The following NSUN4 variants were observed in gnomAD, a reference collection of about 807,000 sequenced individuals.
NSUN4 encodes 5-cytosine rRNA methyltransferase NSUN4.
In NSUN4, 31 loss-of-function variants were observed where a neutral mutation model predicts 43.8. The ratio of observed to expected loss-of-function variants is 0.71; its 90% CI spans 0.53 to 0.96. NSUN4 has a LOEUF of 0.96. Ranked by LOEUF, NSUN4 falls within the 40% of genes least tolerant of loss-of-function variation. The pLI, the probability that NSUN4 is intolerant of heterozygous loss-of-function variation, is 0.00. For missense variants in NSUN4, 439 were observed against 475.6 expected (o/e 0.92, Z 0.72); for synonymous variants, 167 against 184.1 (o/e 0.91, Z 0.75).
downstream of NSUN4, among the ~76,000 whole-genome samples, chr1:46,369,861 G>A (rs757320436): frequency 1.3e-5 from 2 of 152,204 alleles, no homozygotes; most frequent in Non-Finnish European, 2.9e-5. Context: ...CATTGTCGGA[G>A]TTTTAAGGTG....
At position 46,352,912 on chromosome 1, in the gene NSUN4, C is replaced by G. The variant is rs534371705; in HGVS notation, c.637C>G (p.Leu213Val). The G allele has an allele frequency of 2.7e-5, 43 of 1,614,006 alleles. No homozygotes were observed. The highest frequency in any genetic ancestry group is 3.6e-5 in the Non-Finnish European group (43 of 1,180,008). ...NDLSPSRIAR[L>V]QKILHSYVPE... is the part of the protein sequence containing the mutation. ...TCTCTCCCCGTCCCGAATAGCCAGACTACAGAAGATCCTTCACAGCTATGT... is the reference window on the plus strand; with the variant it reads ...TCTCTCCCCGTCCCGAATAGCCAGAGTACAGAAGATCCTTCACAGCTATGT... Residue 213 changes from leucine (L) to valine (V), a missense_variant, in exon 4 of 6, where the codon CTA (leucine) becomes GTA (valine). Leu to Val is a conservative substitution (Grantham distance 32). Coordinates refer to ENST00000474844, the MANE Select transcript of NSUN4 (RefSeq NM_199044.4).
At chr1:46,343,429 A>C (rs1662264101) in intron 1 of NSUN4, 1 of 399,624 alleles carries the variant, frequency 2.5e-6, no homozygotes, top group Non-Finnish European at 4.4e-6. Flanking sequence ...GAGCCTCTGC[A>C]GATCCCCTAC....
At chr1:46,346,551 C>CAA (rs10653801) in intron 2 of NSUN4, among the ~76,000 whole-genome samples, 2,340 of 80,936 alleles carry the variant, frequency 0.029, 159 homozygotes, top group African/African-American at 0.099. Context: ...GACTGTGTCT[C>CAA]AAAAAAAAAA....
chr1:46,341,326 G>A lies in NSUN4; in HGVS notation c.93+407G>A, dbSNP rs940231328. 11 of 980,388 alleles carry A rather than the reference G, an allele frequency of 1.1e-5. No individual in the cohort carries two copies. In the East Asian group the frequency reaches 4.9e-4, roughly 44 times the overall value. 60.7% of individuals were successfully genotyped at this position (980,388 alleles called of 1,614,324 possible). A position where few individuals can be genotyped will look rare whatever the true frequency, so the allele number is the denominator to read the frequency against. ...CCTTTCCTCATTGATTTTCCAGCCC[G>A]GTCGCCCTCACCCCTCGGAAAATAC... On this transcript the variant is annotated intron_variant, in intron 1 of 5. Transcript: ENST00000474844.
At chr1:46,384,953 A>G in the NSUN4 span, among the ~76,000 whole-genome samples, 1 of 152,196 alleles carries the variant, frequency 6.6e-6, no homozygotes, top group East Asian at 1.9e-4. Context: ...TATAATTCCT[A>G]AGAAATTGAT....
the NSUN4 span, chr1:46,370,709 C>T: frequency 6.6e-6 from 1 of 152,192 alleles, no homozygotes; most frequent in Non-Finnish European, 1.5e-5. Context: ...AAAATCCCAC[C>T]TCATCAAAGA....
chr1:46,348,808 G>GCTTTT (rs1662731427), intron 3 of NSUN4, among the ~76,000 whole-genome samples: 1 of 77,842 alleles, frequency 1.3e-5, no homozygotes, highest in Admixed American at 2.0e-4. Context: ...CTTGTGCACT[G>GCTTTT]TTTTTTTTTT....
At chr1:46,360,000 C>T (rs532279999) in intron 4 of NSUN4, among the ~76,000 whole-genome samples, 16 of 151,236 alleles carry the variant, frequency 1.1e-4, no homozygotes, top group Admixed American at 6.6e-4. Flanking sequence ...GAGGCCAAGG[C>T]GGGCAGATCA....
At position 46,344,949 on chromosome 1, in the gene NSUN4, C is replaced by T; in HGVS notation, c.242C>T (p.Ala81Val). Reference protein sequence around the residue: ...QKYGALVNNFAAWDHVSAKLE... With the variant: ...QKYGALVNNFVAWDHVSAKLE... Reference sequence around the variant, plus strand: ...TATGGTGCACTGGTCAATAACTTTGCTGCCTGGGATCATGTAAGTGCTAAG... The same window carrying T: ...TATGGTGCACTGGTCAATAACTTTGTTGCCTGGGATCATGTAAGTGCTAAG... Residue 81 changes from alanine to valine, a missense_variant, in exon 2 of 6, where the codon GCT becomes GTT. Coordinates refer to ENST00000474844, the MANE Select transcript of NSUN4 (RefSeq NM_199044.4). 6.2e-7 allele frequency: 1 copy of T among 1,614,222 alleles called. No homozygotes were observed. Among genetic ancestry groups the T allele is most frequent in the South Asian group, 1.1e-5 (1 of 91,086 alleles).
chr1:46,360,249 A>AAAAAAAAAT (rs1553177947), intron 4 of NSUN4, among the ~76,000 whole-genome samples: 7 of 25,770 alleles, frequency 2.7e-4, no homozygotes, highest in African/African-American at 9.1e-4. Flanking sequence ...AAAAAAAAAA[A>AAAAAAAAAT]ATATATATAT....
intron 4 of NSUN4, among the ~76,000 whole-genome samples, chr1:46,360,252 AT>A (rs1557744453): frequency 0.096 from 2,673 of 27,926 alleles, 163 homozygotes; most frequent in Admixed American, 0.14. Flanking sequence ...AAAAAAAAAT[AT>A]ATATATATAT....
chr1:46,360,707 C>G lies in NSUN4; in HGVS notation c.757C>G (p.Leu253Val). ...TACCCTTTAACACTCTGGGTAGGTGCTGGTGGATGTGCCCTGTACCACAGA... is the reference window on the plus strand; with the variant it reads ...TACCCTTTAACACTCTGGGTAGGTGGTGGTGGATGTGCCCTGTACCACAGA... ...ELEGDTYDRVLVDVPCTTDRH... is the reference protein window; with the variant it reads ...ELEGDTYDRVVVDVPCTTDRH... The change falls in exon 5 of 6, where the codon CTG (leucine) becomes GTG (valine). Residue 253 changes from leucine (L) to valine (V), a missense_variant. Transcript: ENST00000474844. The G allele has an allele frequency of 6.2e-7, 1 of 1,613,786 alleles. No homozygotes were observed. Among genetic ancestry groups the G allele is most frequent in the South Asian group, 1.1e-5 (1 of 91,080 alleles).
At chr1:46,359,192 G>A (rs1216323468) in intron 4 of NSUN4, among the ~76,000 whole-genome samples, 2 of 152,000 alleles carry the variant, frequency 1.3e-5, no homozygotes, top group Non-Finnish European at 2.9e-5. Flanking sequence ...CCCGGGAGGT[G>A]GAGGTTGCAG....
the NSUN4 span, chr1:46,370,782 A>G: frequency 6.6e-6 from 1 of 152,340 alleles, no homozygotes; most frequent in Non-Finnish European, 1.5e-5. Flanking sequence ...TTCTCCGGCT[A>G]GTTATCCACC....
intron 4 of NSUN4, among the ~76,000 whole-genome samples, chr1:46,359,997 A>G (rs1263123555): frequency 2.0e-5 from 3 of 151,518 alleles, no homozygotes; most frequent in Admixed American, 6.6e-5. Context: ...CAGGAGGCCA[A>G]GGCGGGCAGA....
chr1:46,341,425 A>G lies in NSUN4; in HGVS notation c.93+506A>G, dbSNP rs759298795. 3.2e-5 allele frequency: 32 copies of G among 1,006,392 alleles called. 1 individual carries two copies. The highest frequency in any genetic ancestry group is 3.7e-5 in the Non-Finnish European group (31 of 844,358). 62.3% of individuals were successfully genotyped at this position (1,006,392 alleles called of 1,614,324 possible). A position where few individuals can be genotyped will look rare whatever the true frequency, so the allele number is the denominator to read the frequency against. ...GGATTCAGCCCCTTCCTCAACCTCGAGCTGCCTCTGGCGACCGGGCAAGGT... is the reference window on the plus strand; with the variant it reads ...GGATTCAGCCCCTTCCTCAACCTCGGGCTGCCTCTGGCGACCGGGCAAGGT... On this transcript the variant is annotated intron_variant, in intron 1 of 5. Coordinates refer to ENST00000474844, the MANE Select transcript of NSUN4 (RefSeq NM_199044.4).
At chr1:46,359,551 A>ATTT (rs1404750267) in intron 4 of NSUN4, among the ~76,000 whole-genome samples, 1 of 56,944 alleles carries the variant, frequency 1.8e-5, no homozygotes, top group African/African-American at 5.8e-5. Context: ...GCCCGGCTAA[A>ATTT]TTTTTTTTTT....
intron 1 of NSUN4, chr1:46,342,860 T>C (rs1018409760): frequency 2.5e-6 from 1 of 399,784 alleles, no homozygotes; most frequent in Non-Finnish European, 4.4e-6. Flanking sequence ...CCAAGCCCGC[T>C]AAGGCCCACA....
intron 3 of NSUN4, among the ~76,000 whole-genome samples, 165 bp from the exon 4 acceptor site, chr1:46,352,703 C>T (rs115345162): frequency 0.01 from 1,571 of 152,156 alleles, 31 homozygotes; most frequent in African/African-American, 0.036. Context: ...GCCATTGTAC[C>T]CCCACTCAGA....
Sources: allele counts gnomAD v4.1 joint callset (sites outside exome capture counted in the v4.1 genomes callset), GRCh38; gene constraint gnomAD v4.1.1; transcripts MANE v1.5; gene names NCBI Gene and HGNC (gene_info 2026-07-23, HGNC 2026-07-21).